The following RXFP2 variants were observed in gnomAD, a reference collection of about 807,000 sequenced individuals.
RXFP2 encodes the protein relaxin receptor 2.
Under a neutral mutation model 88.6 loss-of-function variants are expected in RXFP2, and 68 were observed. The ratio of observed to expected loss-of-function variants is 0.77; its 90% CI spans 0.63 to 0.94. RXFP2 has a LOEUF of 0.94. Ranked by LOEUF, RXFP2 falls within the 40% of genes least tolerant of loss-of-function variation. The probability of loss-of-function intolerance (pLI) is 0.00; values close to 1 mark genes in which losing one functional copy is unlikely to be tolerated. For synonymous variants in RXFP2, 329 were observed against 306.8 expected (o/e 1.07, Z -0.76); for missense variants, 791 against 893.9 (o/e 0.88, Z 1.47).
At chr13:31,761,693 T>C (rs1872308770) in intron 2 of RXFP2, 31 bp from the exon 3 acceptor site, 1 of 1,453,276 alleles carries the variant, frequency 6.9e-7, no homozygotes. Context: ...GTTTCTAGAA[T>C]AAGTGACACA....
chr13:31,787,806 C>CT (rs1038454547), intron 13 of RXFP2, among the ~76,000 whole-genome samples: 64 of 152,064 alleles, frequency 4.2e-4, no homozygotes, highest in Non-Finnish European at 1.3e-4. Context: ...TGCCAGGCTA[C>CT]TTTTTTTGTA....
chr13:31,777,574 T>A, intron 8 of RXFP2, 127 bp downstream of exon 8: 1 of 689,280 alleles, frequency 1.5e-6, no homozygotes, highest in Admixed American at 2.2e-5. Flanking sequence ...ACTTCTCCTG[T>A]GTTTCCAGCC....
chr13:31,779,543 C>A (rs2138437234), intron 9 of RXFP2, among the ~76,000 whole-genome samples: 1 of 152,278 alleles, frequency 6.6e-6, no homozygotes. Context: ...TAGCTTTTAA[C>A]CAATACCTGT....
chr13:31,796,295 C>T (rs1256194636), intron 16 of RXFP2, among the ~76,000 whole-genome samples: 4 of 151,224 alleles, frequency 2.6e-5, no homozygotes, highest in Non-Finnish European at 2.9e-5. Flanking sequence ...ATGATCCACC[C>T]GCCTCGGCCT....
chr13:31,742,206 T>G (rs1871247692), intron 1 of RXFP2, among the ~76,000 whole-genome samples: 1 of 152,178 alleles, frequency 6.6e-6, no homozygotes, highest in Non-Finnish European at 1.5e-5. Flanking sequence ...AACTACCAAT[T>G]GCTACTTAAA....
At chr13:31,779,805 AC>A (rs1873182704) in intron 9 of RXFP2, among the ~76,000 whole-genome samples, 1 of 152,184 alleles carries the variant, frequency 6.6e-6, no homozygotes, top group African/African-American at 2.4e-5. Flanking sequence ...ATCTCTTGTT[AC>A]AACACTATTA....
chr13:31,802,218 T>C lies in RXFP2; in HGVS notation c.2078T>C (p.Leu693Pro). The change falls in exon 18 of 18, where the codon CTC becomes CCC. Residue 693 changes from leucine to proline, a missense_variant. Coordinates refer to ENST00000298386, the MANE Select transcript of RXFP2 (RefSeq NM_130806.5). The part of the protein sequence containing the change: ...NSALNPILYT[L>P]TTNFFKDKLK... ...GCTTTGAATCCAATCCTCTATACTCTCACAACCAACTTTTTTAAGGACAAG... is the reference window on the plus strand; with the variant it reads ...GCTTTGAATCCAATCCTCTATACTCCCACAACCAACTTTTTTAAGGACAAG... 4 of 1,613,964 alleles carry C rather than the reference T, an allele frequency of 2.5e-6. No individual in the cohort carries two copies. The highest frequency in any genetic ancestry group is 3.4e-6 in the Non-Finnish European group (4 of 1,179,914).
At chr13:31,766,632 G>T (rs900659587) in intron 5 of RXFP2, among the ~76,000 whole-genome samples, 1 of 152,070 alleles carries the variant, frequency 6.6e-6, no homozygotes, top group Admixed American at 6.6e-5. Context: ...TCTCTTGGAG[G>T]GTCAGGATGC....
At chr13:31,759,267 A>G (rs1872134557) in intron 2 of RXFP2, among the ~76,000 whole-genome samples, 1 of 151,476 alleles carries the variant, frequency 6.6e-6, no homozygotes, top group Non-Finnish European at 1.5e-5. Context: ...AATCTGAGTG[A>G]TAAATAAGGA....
intron 1 of RXFP2, among the ~76,000 whole-genome samples, chr13:31,757,043 A>T (rs549192645): frequency 6.6e-6 from 1 of 152,334 alleles, no homozygotes; most frequent in South Asian, 2.1e-4. Context: ...AAATTGCTAG[A>T]ATTGTTTTGG....
chr13:31,795,423 T>A (rs1254924479), intron 16 of RXFP2, among the ~76,000 whole-genome samples: 1 of 152,210 alleles, frequency 6.6e-6, no homozygotes, highest in Non-Finnish European at 1.5e-5. Context: ...GTGCTGGGAT[T>A]ACAGGTGTGA....
intron 16 of RXFP2, among the ~76,000 whole-genome samples, chr13:31,795,135 G>A (rs1186681551): frequency 6.6e-6 from 1 of 150,998 alleles, no homozygotes; most frequent in Non-Finnish European, 1.5e-5. Flanking sequence ...TATTACTATC[G>A]TGCATTTAGA....
intron 5 of RXFP2, among the ~76,000 whole-genome samples, chr13:31,766,772 C>A (rs1872565064): frequency 6.6e-6 from 1 of 152,136 alleles, no homozygotes; most frequent in Non-Finnish European, 1.5e-5. Flanking sequence ...AGTTGCATGG[C>A]ATAGAGAATA....
rs1243589331 is a variant in RXFP2 at position 31,802,377 on chromosome 13, G to C, written c.2237G>C (p.Gly746Ala). ...KLGVLNKITL[G>A]DSIMKPVS is the part of the protein sequence containing the mutation. ...GGGGTTTTGAACAAAATAACACTTG[G>C]AGACAGTATAATGAAACCAGTTTCC... Residue 746 changes from glycine to alanine, a missense_variant, in exon 18 of 18, where the codon GGA becomes GCA. Transcript: ENST00000298386. 7 of 1,614,092 alleles carry C rather than the reference G, an allele frequency of 4.3e-6. No individual in the cohort carries two copies. Among genetic ancestry groups the C allele is most frequent in the Non-Finnish European group, 5.9e-6 (7 of 1,180,024 alleles).
At chr13:31,793,850 T>G (rs1255434038) in intron 16 of RXFP2, among the ~76,000 whole-genome samples, 4 of 152,210 alleles carry the variant, frequency 2.6e-5, no homozygotes, top group African/African-American at 9.7e-5. Flanking sequence ...CTTCAAAATT[T>G]GCTTCTGCTT....
chr13:31,761,737 A>G lies in RXFP2; in HGVS notation c.255A>G (p.Gly85=), dbSNP rs751277993. Reference sequence around the variant, plus strand: ...ACTATTTCACAGGTGACACTAGTGGATGGGCGACCATATTTGGCACAGTGC... The same window carrying G: ...ACTATTTCACAGGTGACACTAGTGGGTGGGCGACCATATTTGGCACAGTGC... The part of the protein sequence containing the change: ...ADEENCGDTS[G]WATIFGTVHG... The change falls in exon 3 of 18, where the codon GGA becomes GGG. Residue 85 remains glycine (G), a synonymous_variant. Transcript: ENST00000298386. 17 of 1,611,636 alleles carry G rather than the reference A, an allele frequency of 1.1e-5. No homozygotes were observed. Among genetic ancestry groups the G allele is most frequent in the Non-Finnish European group, 1.4e-5 (17 of 1,177,890 alleles).
At position 31,774,516 on chromosome 13, in the gene RXFP2, A is replaced by G; in HGVS notation, c.498-104A>G. 4 of 757,886 alleles carry G rather than the reference A, an allele frequency of 5.3e-6. No individual in the cohort carries two copies. In the South Asian group the frequency reaches 5.6e-5, roughly 11 times the overall value. The allele number at this position is 757,886 out of a possible 1,614,324, so 46.9% of individuals were successfully genotyped here. On this transcript the variant is annotated intron_variant, in intron 5 of 17. Coordinates refer to ENST00000298386, the MANE Select transcript of RXFP2 (RefSeq NM_130806.5). ...ACATGAGAATAGGACTTCGTACTTC[A>G]ATTTCACAATTGTCTTCAGGTAAAG...
At chr13:31,772,922 T>C (rs1449833915) in intron 5 of RXFP2, among the ~76,000 whole-genome samples, 1 of 152,226 alleles carries the variant, frequency 6.6e-6, no homozygotes, top group East Asian at 1.9e-4. Context: ...AAATATACAT[T>C]CCATTTTTGA....
intron 17 of RXFP2, among the ~76,000 whole-genome samples, chr13:31,798,866 A>T (rs1284403157): frequency 6.6e-6 from 1 of 152,024 alleles, no homozygotes; most frequent in Non-Finnish European, 1.5e-5. Flanking sequence ...CCAAGGCTCA[A>T]CCCAAATACT....
Sources: allele counts gnomAD v4.1 joint callset (sites outside exome capture counted in the v4.1 genomes callset), GRCh38; gene constraint gnomAD v4.1.1; transcripts MANE v1.5; gene names NCBI Gene and HGNC (gene_info 2026-07-23, HGNC 2026-07-21).